Variants in PCCA observed in about 807,000 individuals in gnomAD.
PCCA encodes propionyl-CoA carboxylase alpha chain, mitochondrial.
A neutral mutation model predicts 101.3 loss-of-function variants in PCCA; 74 were observed. The ratio of observed to expected loss-of-function variants is 0.73; its 90% CI spans 0.61 to 0.89. The LOEUF is 0.89. Among genes scored for constraint, PCCA ranks in the 40% least tolerant of loss-of-function variants. The probability of loss-of-function intolerance (pLI) is 0.00; values close to 1 mark genes in which losing one functional copy is unlikely to be tolerated. For missense variants in PCCA, 891 were observed against 907.0 expected, an observed-to-expected ratio of 0.98 and a Z score of 0.23; for synonymous variants, 294 against 313.6, an observed-to-expected ratio of 0.94 and a Z score of 0.66.
intron 5 of PCCA, 46 bp downstream of exon 5, chr13:100,155,138 G>A (rs750230876): frequency 4.2e-6 from 5 of 1,202,264 alleles, no homozygotes. Flanking sequence ...CATATGTAGT[G>A]AGCAGAAAGC....
At chr13:100,357,881 C>G (rs1231163153) in intron 18 of PCCA, among the ~76,000 whole-genome samples, 1 of 152,088 alleles carries the variant, frequency 6.6e-6, no homozygotes, top group Non-Finnish European at 1.5e-5. Context: ...GTGAAGAGTT[C>G]CATATGTGAA....
intron 21 of PCCA, among the ~76,000 whole-genome samples, chr13:100,472,476 G>C (rs1473438161): frequency 2.6e-5 from 4 of 152,170 alleles, no homozygotes; most frequent in African/African-American, 9.7e-5. Flanking sequence ...ACGAGGAGAG[G>C]TTAATGCCCT....
intron 8 of PCCA, 150 bp downstream of exon 8, chr13:100,236,028 G>T (rs1167336796): frequency 3.1e-6 from 2 of 641,200 alleles, no homozygotes; most frequent in Non-Finnish European, 5.7e-6. Flanking sequence ...TGTATCAGTT[G>T]AATTGCCAAA....
intron 20 of PCCA, among the ~76,000 whole-genome samples, chr13:100,436,047 T>TA (rs58957697): frequency 0.2 from 27,527 of 136,972 alleles, 3,132 homozygotes; most frequent in East Asian, 0.56. Flanking sequence ...CTGTCTCAAA[T>TA]AAAAAAAAAA....
chr13:100,281,210 A>AG (rs2064087385), intron 12 of PCCA, among the ~76,000 whole-genome samples: 1 of 152,170 alleles, frequency 6.6e-6, no homozygotes, highest in African/African-American at 2.4e-5. Flanking sequence ...AGACTTAATA[A>AG]GGAAAGAAAA....
At chr13:100,090,564 C>G (rs995291634) in intron 1 of PCCA, among the ~76,000 whole-genome samples, 8 of 152,100 alleles carry the variant, frequency 5.3e-5, no homozygotes, top group African/African-American at 1.4e-4. Flanking sequence ...TATCTCCTGT[C>G]TTCCACTTCT....
intron 23 of PCCA, 33 bp downstream of exon 23, chr13:100,527,785 G>A: frequency 2.7e-6 from 4 of 1,486,560 alleles, no homozygotes; most frequent in Non-Finnish European, 3.8e-6. Context: ...GCCCAGGCCG[G>A]CCCTGTGATG....
At chr13:100,399,291 G>A (rs944619092) in intron 19 of PCCA, among the ~76,000 whole-genome samples, 2 of 152,070 alleles carry the variant, frequency 1.3e-5, no homozygotes, top group African/African-American at 4.8e-5. Flanking sequence ...TTTGTTTGGC[G>A]TGAATTTGTA....
intron 12 of PCCA, among the ~76,000 whole-genome samples, chr13:100,300,347 C>CTT (rs924703870): frequency 6.6e-6 from 1 of 150,910 alleles, no homozygotes; most frequent in Non-Finnish European, 1.5e-5. Flanking sequence ...TTTTACAAAG[C>CTT]TTTTTTTTTA....
At position 100,192,586 on chromosome 13, in the gene PCCA, A is replaced by G. The variant is rs923993570; in HGVS notation, c.469-16746A>G. 2.0e-5 allele frequency among the ~76,000 whole-genome samples: 3 copies of G among 152,224 alleles called. No individual in the cohort carries two copies. In the South Asian group the frequency reaches 6.2e-4, roughly 31 times the overall value. On this transcript the variant is annotated intron_variant, in intron 6 of 23. Transcript: ENST00000376285. Reference sequence around the variant, plus strand: ...AAAAACTGTTTACGCATGCACCAGTAGTCCCAGCTACTCAGGAGGCTGAGG... The same window carrying G: ...AAAAACTGTTTACGCATGCACCAGTGGTCCCAGCTACTCAGGAGGCTGAGG...
chr13:100,400,630 C>CTTTTTTTTTTTTTTTTTT (rs1281449669), intron 19 of PCCA, among the ~76,000 whole-genome samples: 77 of 90,944 alleles, frequency 8.5e-4, no homozygotes, highest in African/African-American at 3.5e-3. Flanking sequence ...CTTTTTAGTT[C>CTTTTTTTTTTTTTTTTTT]TTTTTTTTTT....
At chr13:100,134,919 T>C (rs2050975701) in intron 4 of PCCA, among the ~76,000 whole-genome samples, 1 of 146,828 alleles carries the variant, frequency 6.8e-6, no homozygotes, top group Non-Finnish European at 1.5e-5. Context: ...GTTTTGTTTG[T>C]TTTTTGTAGA....
intron 20 of PCCA, among the ~76,000 whole-genome samples, chr13:100,433,387 A>T (rs1008276080): frequency 5.9e-5 from 9 of 152,174 alleles, no homozygotes; most frequent in Non-Finnish European, 1.0e-4. Flanking sequence ...AACTGAAGAA[A>T]AAGCATTCCG....
At chr13:100,441,997 T>A (rs556056104) in intron 20 of PCCA, among the ~76,000 whole-genome samples, 51 of 136,162 alleles carry the variant, frequency 3.7e-4, no homozygotes, top group African/African-American at 1.2e-3. Context: ...TTCTTTTTTT[T>A]TTTTTTTTAT....
chr13:100,266,797 A>G (rs1338282289), intron 10 of PCCA, among the ~76,000 whole-genome samples: 1 of 152,202 alleles, frequency 6.6e-6, no homozygotes, highest in Non-Finnish European at 1.5e-5. Context: ...GGTTGGGTCT[A>G]GGGATACCAA....
chr13:100,200,897 TCAAAATTG>T (rs1254967251), intron 6 of PCCA, among the ~76,000 whole-genome samples: 1 of 152,116 alleles, frequency 6.6e-6, no homozygotes, highest in East Asian at 1.9e-4. Flanking sequence ...CCATTACAAT[TCAAAATTG>T]CAGAACTTTA....
At chr13:100,247,253 T>G (rs2061492267) in intron 8 of PCCA, among the ~76,000 whole-genome samples, 1 of 142,722 alleles carries the variant, frequency 7.0e-6, no homozygotes, top group Non-Finnish European at 1.5e-5. Context: ...AGTCTCACTC[T>G]GTCGCCCAGA....
At chr13:100,454,719 T>G (rs1475585914) in intron 21 of PCCA, among the ~76,000 whole-genome samples, 1 of 152,204 alleles carries the variant, frequency 6.6e-6, no homozygotes, top group Non-Finnish European at 1.5e-5. Context: ...AATTTTAGAC[T>G]AAGAGAAGTA....
intron 21 of PCCA, among the ~76,000 whole-genome samples, chr13:100,453,361 CATGGTGG>C (rs1266285338): frequency 6.6e-6 from 1 of 151,800 alleles, no homozygotes; most frequent in Non-Finnish European, 1.5e-5. Flanking sequence ...ATTAGCCAGG[CATGGTGG>C]CAGGAGCCTG....
Sources: allele counts gnomAD v4.1 joint callset (sites outside exome capture counted in the v4.1 genomes callset), GRCh38; gene constraint gnomAD v4.1.1; transcripts MANE v1.5; gene names NCBI Gene and HGNC (gene_info 2026-07-23, HGNC 2026-07-21).